The following SHISA6 variants were observed in gnomAD, a reference collection of about 807,000 sequenced individuals.
The protein encoded by SHISA6 is protein shisa-6.
In SHISA6, 22 loss-of-function variants were observed where a neutral mutation model predicts 47.9. The ratio of observed to expected loss-of-function variants is 0.46; its 90% confidence interval spans 0.33 to 0.66. SHISA6 has a LOEUF of 0.66. SHISA6 is among the 30% of genes least tolerant of loss of function. SHISA6 has a pLI of 0.02. For synonymous variants in SHISA6, 388 were observed against 337.8 expected (o/e 1.15, Z -1.63); for missense variants, 680 against 764.6 (o/e 0.89, Z 1.30).
intron 1 of SHISA6, among the ~76,000 whole-genome samples, chr17:11,252,210 C>G (rs1907837725): frequency 6.6e-6 from 1 of 152,140 alleles, no homozygotes; most frequent in Non-Finnish European, 1.5e-5. Flanking sequence ...GAACCTTGGC[C>G]CCATTCCCCA....
chr17:11,463,211 G>C (rs1445176679), intron 3 of SHISA6, among the ~76,000 whole-genome samples: 1 of 152,166 alleles, frequency 6.6e-6, no homozygotes, highest in African/African-American at 2.4e-5. Flanking sequence ...ATAAAGTGGA[G>C]ATAATAATGG....
rs564551387 is a variant in SHISA6, at chr17:11,552,327, G to A, written c.952+375G>A. On this transcript the variant is annotated intron_variant, in intron 4 of 5. Coordinates refer to ENST00000441885, the MANE Select transcript of SHISA6 (RefSeq NM_207386.4). ...ATCATTTACGAAAGACATGAGACTT[G>A]GTTAAACTTTATGATCCTCCCCAGG... 5.9e-5 allele frequency among the ~76,000 whole-genome samples: 9 copies of A among 152,236 alleles called. No individual in the cohort carries two copies. The Middle Eastern group carries it at 0.01, about 173-fold the overall frequency.
intron 2 of SHISA6, among the ~76,000 whole-genome samples, chr17:11,273,564 C>A (rs149857638): frequency 6.6e-6 from 1 of 152,372 alleles, no homozygotes; most frequent in Non-Finnish European, 1.5e-5. Context: ...TAGCAACTTC[C>A]AAGGTCCTAC....
intron 2 of SHISA6, among the ~76,000 whole-genome samples, chr17:11,277,318 A>ACACACACCCC (rs1389004430): frequency 3.1e-5 from 4 of 127,988 alleles, no homozygotes; most frequent in East Asian, 2.3e-4. Flanking sequence ...ACACACACAC[A>ACACACACCCC]CCCCGCATGT....
At chr17:11,491,768 G>GTTTT (rs768280409) in intron 3 of SHISA6, among the ~76,000 whole-genome samples, 12,620 of 106,722 alleles carry the variant, frequency 0.12, 726 homozygotes, top group Non-Finnish European at 0.17. Flanking sequence ...AGCTGGTGAA[G>GTTTT]TGTTTTTTTT....
chr17:11,424,438 T>C (rs939893427), intron 3 of SHISA6, among the ~76,000 whole-genome samples: 15 of 151,734 alleles, frequency 9.9e-5, no homozygotes, highest in Non-Finnish European at 2.1e-4. Context: ...ATAACACAAA[T>C]AAAGACTGAG....
chr17:11,358,923 G>A (rs1912169528), intron 2 of SHISA6, among the ~76,000 whole-genome samples: 1 of 152,180 alleles, frequency 6.6e-6, no homozygotes, highest in Non-Finnish European at 1.5e-5. Context: ...GCCTCCCAAA[G>A]TGTTGGGATT....
chr17:11,412,643 G>A (rs576378082), intron 3 of SHISA6, among the ~76,000 whole-genome samples: 242 of 151,892 alleles, frequency 1.6e-3, no homozygotes, highest in Non-Finnish European at 2.8e-3. Context: ...CCAGGTTCAC[G>A]CCATTCTCCT....
At chr17:11,445,496 G>C (rs768046263) in intron 3 of SHISA6, among the ~76,000 whole-genome samples, 1 of 152,190 alleles carries the variant, frequency 6.6e-6, no homozygotes, top group Non-Finnish European at 1.5e-5. Flanking sequence ...AACTATATCA[G>C]TATTAGTCAA....
At chr17:11,398,594 T>G (rs1380163886) in intron 3 of SHISA6, among the ~76,000 whole-genome samples, 3 of 150,348 alleles carry the variant, frequency 2.0e-5, no homozygotes, top group African/African-American at 7.5e-5. Flanking sequence ...GTTTGCTTGT[T>G]TTTTTGTTGT....
At chr17:11,331,115 C>G (rs1911092182) in intron 2 of SHISA6, among the ~76,000 whole-genome samples, 1 of 152,196 alleles carries the variant, frequency 6.6e-6, no homozygotes, top group African/African-American at 2.4e-5. Context: ...CGCAGTAACT[C>G]TCCCAGGGTG....
intron 2 of SHISA6, among the ~76,000 whole-genome samples, chr17:11,300,081 G>A (rs776597460): frequency 4.6e-5 from 7 of 150,626 alleles, no homozygotes; most frequent in Non-Finnish European, 8.8e-5. Flanking sequence ...GGAGGTGGAG[G>A]TTGCAGTGAG....
chr17:11,516,070 C>T (rs774108712), intron 3 of SHISA6, among the ~76,000 whole-genome samples: 1 of 152,168 alleles, frequency 6.6e-6, no homozygotes, highest in Non-Finnish European at 1.5e-5. Flanking sequence ...GTGACATCAT[C>T]CTAGTCATTA....
chr17:11,431,002 C>T lies in SHISA6; in HGVS notation c.895+51493C>T, dbSNP rs146370240. ...CATTTGCTAAGTTAGTCTCCCCTCA[C>T]TGGGCTGGGGACTGGTTGACACAGG... On this transcript the variant is annotated intron_variant, in intron 3 of 5. Transcript: ENST00000441885. 7.9e-3 allele frequency among the ~76,000 whole-genome samples: 1,204 copies of T among 152,324 alleles called. 22 individuals carry two copies. Among genetic ancestry groups the T allele is most frequent in the African/African-American group, 0.027 (1,135 of 41,578 alleles).
chr17:11,329,944 C>T (rs1462393875), intron 2 of SHISA6, among the ~76,000 whole-genome samples: 2 of 149,494 alleles, frequency 1.3e-5, no homozygotes, highest in African/African-American at 2.4e-5. Context: ...TCTCTATTTG[C>T]CTTAATTTCA....
intron 3 of SHISA6, among the ~76,000 whole-genome samples, chr17:11,426,897 T>C (rs1005849865): frequency 1.3e-5 from 2 of 152,182 alleles, no homozygotes; most frequent in Admixed American, 6.5e-5. Context: ...ACCTTCTCCA[T>C]CTTGTTTTTC....
intron 3 of SHISA6, among the ~76,000 whole-genome samples, chr17:11,453,650 GA>G (rs1915459839): frequency 6.6e-6 from 1 of 152,024 alleles, no homozygotes; most frequent in Non-Finnish European, 1.5e-5. Context: ...AAATATTTTT[GA>G]AATTTATTTT....
At chr17:11,327,683 G>C (rs1313265790) in intron 2 of SHISA6, among the ~76,000 whole-genome samples, 1 of 152,200 alleles carries the variant, frequency 6.6e-6, no homozygotes, top group Non-Finnish European at 1.5e-5. Context: ...TGTAATCCCA[G>C]CTACTTGGGA....
intron 2 of SHISA6, among the ~76,000 whole-genome samples, chr17:11,363,784 A>G (rs11651793): frequency 0.16 from 24,384 of 152,222 alleles, 2,065 homozygotes; most frequent in South Asian, 0.27. Flanking sequence ...TGCCGTGACA[A>G]CACCCGGAGG....
Sources: allele counts gnomAD v4.1 joint callset (sites outside exome capture counted in the v4.1 genomes callset), GRCh38; gene constraint gnomAD v4.1.1; transcripts MANE v1.5; gene names NCBI Gene and HGNC (gene_info 2026-07-23, HGNC 2026-07-21).